Variants in ILF2 observed in about 807,000 individuals in gnomAD.
The protein encoded by ILF2 is interleukin enhancer binding factor 2, also known as interleukin enhancer-binding factor 2.
In ILF2, 9 loss-of-function variants were observed where a neutral mutation model predicts 55.3. That is an observed-to-expected ratio of 0.16 (90% confidence interval 0.10 to 0.28). ILF2 has a LOEUF of 0.28. Ranked by LOEUF, ILF2 falls within the 10% of genes least tolerant of loss-of-function variation. The pLI is 1.00. For synonymous variants in ILF2, 151 were observed against 161.8 expected, an observed-to-expected ratio of 0.93 and a Z score of 0.50; for missense variants, 266 against 474.9, an observed-to-expected ratio of 0.56 and a Z score of 4.09.
chr1:153,669,773 G>C, intron 3 of ILF2, 63 bp downstream of exon 3: 1 of 1,302,018 alleles, frequency 7.7e-7, no homozygotes, highest in East Asian at 2.3e-5. Flanking sequence ...CATTAACTGG[G>C]AGATACTGGG....
chr1:153,667,736 C>CA (rs1669348215), intron 5 of ILF2, 79 bp from the exon 6 acceptor site: 1 of 956,512 alleles, frequency 1.0e-6, no homozygotes, highest in Non-Finnish European at 1.6e-6. Context: ...TGTTACAACA[C>CA]AGCTACCTGT....
In ILF2 at chr1:153,662,925, C is replaced by A. The variant is rs1260803995; in HGVS notation, c.921+94G>T. On this transcript the variant is annotated intron_variant, in intron 12 of 13. Coordinates refer to ENST00000361891, the MANE Select transcript of ILF2 (RefSeq NM_004515.4). The stretch of plus-strand genomic sequence containing the variant: ...CAAAGTCTTTCAGAATCCCCAAATT[C>A]CTGACCCGTAAAGACCATATTCCGC... 3.0e-6 allele frequency: 4 copies of A among 1,341,366 alleles called. No individual in the cohort carries two copies. In the East Asian group the frequency reaches 6.9e-5, roughly 23 times the overall value. 83.1% of individuals were successfully genotyped at this position (1,341,366 alleles called of 1,614,324 possible). A position where few individuals can be genotyped will look rare whatever the true frequency, so the allele number is the denominator to read the frequency against.
chr1:153,663,172 CA>C (rs1264332627), intron 11 of ILF2, 39 bp from the exon 12 acceptor site: 1 of 1,613,848 alleles, frequency 6.2e-7, no homozygotes, highest in Non-Finnish European at 8.5e-7. Context: ...AAGGAATGCA[CA>C]AAATAGTTTA....
intron 10 of ILF2, 71 bp downstream of exon 10, chr1:153,663,970 ACT>A: frequency 1.4e-6 from 1 of 709,248 alleles, no homozygotes. Context: ...TACTACTACT[ACT>A]ACTACTACTA....
chr1:153,664,192 T>C, intron 9 of ILF2, 62 bp from the exon 10 acceptor site: 1 of 1,121,664 alleles, frequency 8.9e-7, no homozygotes, highest in Middle Eastern at 2.0e-4. Context: ...ATGCCTAAGG[T>C]AGAATTGAAG....
chr1:153,667,926 A>G, intron 5 of ILF2, 74 bp downstream of exon 5: 3 of 1,072,592 alleles, frequency 2.8e-6, no homozygotes, highest in Non-Finnish European at 2.8e-6. Context: ...ACTGAAAATT[A>G]AAAGTCAAGA....
intron 8 of ILF2, among the ~76,000 whole-genome samples, chr1:153,664,811 G>A (rs971951810): frequency 1.3e-5 from 2 of 152,158 alleles, no homozygotes; most frequent in African/African-American, 4.8e-5. Flanking sequence ...GCCTGCCTCA[G>A]CCTCCCAAAG....
intron 5 of ILF2, 33 bp from the exon 6 acceptor site, chr1:153,667,690 T>G (rs937226479): frequency 1.3e-6 from 2 of 1,500,784 alleles, no homozygotes; most frequent in Non-Finnish European, 1.8e-6. Context: ...GAAAAACAAT[T>G]TAGAAGAAAA....
At position 153,667,604 on chromosome 1, in the gene ILF2, T is replaced by C. The variant is rs767437181; in HGVS notation, c.345A>G (p.Thr115=). The change falls in exon 6 of 14, where the codon ACA becomes ACG. Residue 115 remains threonine (T), a synonymous_variant. Transcript: ENST00000361891. The part of the protein sequence containing the change: ...VGSYKKGTMT[T]GHNVADLVVI... ...CCACCAGGTCAGCCACATTGTGTCC[T>C]GTAGTCATTGTCCCCTTTTTATAGG... 1 of 1,613,902 alleles carries C rather than the reference T, an allele frequency of 6.2e-7. No homozygotes were observed. Among genetic ancestry groups the C allele is most frequent in the Non-Finnish European group, 8.5e-7 (1 of 1,179,788 alleles).
chr1:153,664,354 T>A (rs1669251534), intron 9 of ILF2, 42 bp downstream of exon 9: 1 of 1,516,300 alleles, frequency 6.6e-7, no homozygotes, highest in Admixed American at 1.7e-5. Context: ...TCACTGCAGT[T>A]AAAAAGTTTA....
At chr1:153,668,324 G>A in intron 4 of ILF2, 129 bp downstream of exon 4, 1 of 1,163,680 alleles carries the variant, frequency 8.6e-7, no homozygotes. Context: ...GAGAAATAAG[G>A]AGAACAATTA....
At chr1:153,670,831 T>A (rs373319150) in intron 1 of ILF2, 87 bp downstream of exon 1, 13 of 1,525,416 alleles carry the variant, frequency 8.5e-6, no homozygotes, top group Non-Finnish European at 1.2e-5. Context: ...TACATGGCCC[T>A]TTCTGATACT....
chr1:153,666,326 G>A (rs1169567768), intron 6 of ILF2, among the ~76,000 whole-genome samples: 2 of 152,182 alleles, frequency 1.3e-5, no homozygotes, highest in Non-Finnish European at 2.9e-5. Context: ...GGGGATTACA[G>A]ACGCCCACCA....
In ILF2 at chr1:153,663,064, C is replaced by T. The variant is rs762927576; in HGVS notation, c.876G>A (p.Glu292=). ...CTGTGTGTACTCTAAAGTTGCCACT[C>T]TCACAGGGGTCAGTGATACCCACTG... The part of the protein sequence containing the change: ...PGSVGITDPC[E]SGNFRVHTVM... The change falls in exon 12 of 14, where the codon GAG becomes GAA. Residue 292 remains glutamate (E), a synonymous_variant. Coordinates refer to ENST00000361891, the MANE Select transcript of ILF2 (RefSeq NM_004515.4). 4 of 1,614,162 alleles carry T rather than the reference C, an allele frequency of 2.5e-6. No individual in the cohort carries two copies. In the South Asian group the frequency reaches 4.4e-5, roughly 18 times the overall value.
chr1:153,664,605 G>C (rs1407730729), intron 8 of ILF2, 131 bp from the exon 9 acceptor site: 4 of 738,370 alleles, frequency 5.4e-6, no homozygotes, highest in Non-Finnish European at 9.4e-6. Context: ...GTCCAGGCTG[G>C]ATTGCGTACA....
At chr1:153,668,585 T>C (rs751013083) in intron 3 of ILF2, 28 bp from the exon 4 acceptor site, 1 of 1,596,326 alleles carries the variant, frequency 6.3e-7, no homozygotes, top group Non-Finnish European at 8.5e-7. Context: ...AACTACATTC[T>C]ATTTGCCGAA....
chr1:153,664,293 G>T, intron 9 of ILF2, 103 bp downstream of exon 9: 2 of 1,114,458 alleles, frequency 1.8e-6, no homozygotes, highest in Non-Finnish European at 2.7e-6. Flanking sequence ...CCAGACACGA[G>T]GTCACAGGCA....
chr1:153,667,608 G>T lies in ILF2; in HGVS notation c.341C>A (p.Thr114Asn), dbSNP rs1669345062. 2 of 1,613,742 alleles carry T rather than the reference G, an allele frequency of 1.2e-6. No individual in the cohort carries two copies. Among genetic ancestry groups the T allele is most frequent in the Non-Finnish European group, 1.7e-6 (2 of 1,179,692 alleles). The change falls in exon 6 of 14, where the codon ACT (threonine) becomes AAT (asparagine). Residue 114 changes from threonine to asparagine, a missense_variant. Coordinates refer to ENST00000361891, the MANE Select transcript of ILF2 (RefSeq NM_004515.4). Reference sequence around the variant, plus strand: ...CAGGTCAGCCACATTGTGTCCTGTAGTCATTGTCCCCTTTTTATAGGATCC... The same window carrying T: ...CAGGTCAGCCACATTGTGTCCTGTATTCATTGTCCCCTTTTTATAGGATCC... ...QVGSYKKGTM[T>N]TGHNVADLVV... is the part of the protein sequence containing the mutation.
rs1020814171 is a variant in ILF2 at position 153,662,230 on chromosome 1, G to A, written c.*166C>T. On this transcript the variant is annotated 3_prime_UTR_variant, in exon 14 of 14. Transcript: ENST00000361891. ...ATAGGTCACAAATGGGAGACTGGCA[G>A]CTAAGCCAATATCAAAACCCAGTGG... 1.3e-6 allele frequency: 1 copy of A among 784,888 alleles called. No individual in the cohort carries two copies. Among genetic ancestry groups the A allele is most frequent in the Non-Finnish European group, 2.0e-6 (1 of 490,202 alleles). 48.6% of individuals were successfully genotyped at this position (784,888 alleles called of 1,614,324 possible).
Sources: allele counts gnomAD v4.1 joint callset (sites outside exome capture counted in the v4.1 genomes callset), GRCh38; gene constraint gnomAD v4.1.1; transcripts MANE v1.5; gene names NCBI Gene and HGNC (gene_info 2026-07-23, HGNC 2026-07-21).